Variants in KMT2A observed in about 807,000 individuals in gnomAD.
KMT2A encodes the protein histone-lysine N-methyltransferase 2A.
Under a neutral mutation model 345.3 loss-of-function variants are expected in KMT2A, and 16 were observed. That is an observed-to-expected ratio of 0.05 (90% confidence interval 0.03 to 0.07). The LOEUF is 0.07. Among genes scored for constraint, KMT2A ranks in the 10% least tolerant of loss-of-function variants. The pLI is 1.00. For missense variants in KMT2A, 3,272 were observed against 4,841.6 expected, an observed-to-expected ratio of 0.68 and a Z score of 9.62; for synonymous variants, 1,599 against 1,778.6, an observed-to-expected ratio of 0.90 and a Z score of 2.54.
In KMT2A at chr11:118,503,405, C is replaced by T. The variant is rs2134392492; in HGVS notation, c.7513C>T (p.Pro2505Ser). ...LSMPGVPKAP[P>S]MQVEGSAKEL... ...TATGCCAGGAGTCCCCAAAGCTCCACCCATGCAAGTAGAAGGATCTGCCAA... is the reference window on the plus strand; with the variant it reads ...TATGCCAGGAGTCCCCAAAGCTCCATCCATGCAAGTAGAAGGATCTGCCAA... The change falls in exon 27 of 36, where the codon CCC (proline) becomes TCC (serine). Residue 2505 changes from proline to serine, a missense_variant. Around this residue, in one of 27 missense-constraint regions of KMT2A, gnomAD observed 445 missense variants for 500.9 expected, o/e 0.89. Transcript: ENST00000534358. This position sits in a 1 kb window ranked among gnomAD's most constrained non-coding sequence, Gnocchi z 5.3. 6.2e-7 allele frequency: 1 copy of T among 1,614,000 alleles called. No homozygotes were observed. Among genetic ancestry groups the T allele is most frequent in the South Asian group, 1.1e-5 (1 of 91,072 alleles).
intron 10 of KMT2A, among the ~76,000 whole-genome samples, chr11:118,487,578 A>G (rs1950251539): frequency 6.6e-6 from 1 of 152,236 alleles, no homozygotes; most frequent in African/African-American, 2.4e-5. Flanking sequence ...TAAAATACAT[A>G]TACACATTTT....
At chr11:118,439,266 T>C in intron 1 of KMT2A, 1 of 351,370 alleles carries the variant, frequency 2.8e-6, no homozygotes, top group Non-Finnish European at 5.6e-6. Context: ...CCCATGTATA[T>C]TTGAGTTTAA....
intron 1 of KMT2A, among the ~76,000 whole-genome samples, chr11:118,458,861 C>T (rs190072394): frequency 2.6e-4 from 39 of 152,300 alleles, no homozygotes; most frequent in African/African-American, 8.2e-4. Context: ...ATTTCTTCAA[C>T]TTTAGTTGTT....
intron 4 of KMT2A, among the ~76,000 whole-genome samples, chr11:118,477,289 A>C (rs1197445847): frequency 1.3e-5 from 2 of 152,146 alleles, no homozygotes; most frequent in African/African-American, 2.4e-5. Flanking sequence ...AAAGCTGTCC[A>C]GGAGTCTTTG....
At chr11:118,506,786 T>G (rs1250969901) in intron 27 of KMT2A, 140 bp downstream of exon 27, 1 of 854,586 alleles carries the variant, frequency 1.2e-6, no homozygotes, top group East Asian at 2.6e-5. Context: ...TTGACTTTTT[T>G]TCTCTCTGAG....
intron 1 of KMT2A, among the ~76,000 whole-genome samples, chr11:118,454,301 C>A (rs1555029985): frequency 6.6e-6 from 1 of 152,252 alleles, no homozygotes; most frequent in African/African-American, 2.4e-5. Context: ...AAGCCTACTT[C>A]TCGAGCATTG....
chr11:118,464,557 A>AC (rs1949806473), intron 1 of KMT2A, among the ~76,000 whole-genome samples: 1 of 151,768 alleles, frequency 6.6e-6, no homozygotes, highest in African/African-American at 2.4e-5. Context: ...AAAAAAAAAA[A>AC]CCTAAAGTTG....
intron 1 of KMT2A, among the ~76,000 whole-genome samples, chr11:118,453,905 G>T (rs1443383709): frequency 2.0e-5 from 3 of 152,084 alleles, no homozygotes; most frequent in African/African-American, 4.8e-5. Flanking sequence ...TCCATTCCCA[G>T]TCTCTTTGTT....
chr11:118,445,063 T>A (rs1179317270), intron 1 of KMT2A, among the ~76,000 whole-genome samples: 1 of 152,192 alleles, frequency 6.6e-6, no homozygotes, highest in Non-Finnish European at 1.5e-5. Flanking sequence ...TATAATCTTT[T>A]TTTTTCATCA....
At position 118,505,364 on chromosome 11, in the gene KMT2A, C is replaced by G; in HGVS notation, c.9472C>G (p.Pro3158Ala). The change falls in exon 27 of 36, where the codon CCC (proline) becomes GCC (alanine). Residue 3158 changes from proline to alanine, a missense_variant. This residue lies in a region of KMT2A where 748 missense variants were observed against 922.2 expected (regional missense o/e 0.81). Coordinates refer to ENST00000534358, the MANE Select transcript of KMT2A (RefSeq NM_001197104.2). This position sits in a 1 kb window ranked among gnomAD's most constrained non-coding sequence, Gnocchi z 4.6. ...CCCTTCTGCTAGCAAAGGATTGCTA[C>G]CCATGTCTCATCACCAGCACTTACA... ...LFPSASKGLL[P>A]MSHHQHLHSF... 6.2e-7 allele frequency: 1 copy of G among 1,614,002 alleles called. No homozygotes were observed. Among genetic ancestry groups the G allele is most frequent in the Non-Finnish European group, 8.5e-7 (1 of 1,179,860 alleles).
intron 31 of KMT2A, among the ~76,000 whole-genome samples, chr11:118,517,855 G>C (rs886874963): frequency 6.6e-6 from 1 of 152,108 alleles, no homozygotes; most frequent in African/African-American, 2.4e-5. Context: ...AAAGAATATT[G>C]CTTATCTAGA....
rs2134261702 is a variant in KMT2A, at chr11:118,472,562, A to C, written c.1403A>C (p.His468Pro). ...SSEKSSAASQHSSQMSSDSSR... is the reference protein window; with the variant it reads ...SSEKSSAASQPSSQMSSDSSR... ...GAAAAATCAAGTGCAGCTTCTCAGCACTCCTCTCAAATGTCTTCAGACTCC... is the reference window on the plus strand; with the variant it reads ...GAAAAATCAAGTGCAGCTTCTCAGCCCTCCTCTCAAATGTCTTCAGACTCC... Residue 468 changes from histidine to proline, a missense_variant, in exon 3 of 36, where the codon CAC becomes CCC. By Grantham distance (77) the His-to-Pro change is moderately conservative. This residue lies in a region of KMT2A where 180 missense variants were observed against 190.7 expected (regional missense o/e 0.94). Coordinates refer to ENST00000534358, the MANE Select transcript of KMT2A (RefSeq NM_001197104.2). The C allele has an allele frequency of 6.2e-7, 1 of 1,609,476 alleles. No homozygotes were observed. The highest frequency in any genetic ancestry group is 8.5e-7 in the Non-Finnish European group (1 of 1,179,018).
chr11:118,506,087 C>T lies in KMT2A; in HGVS notation c.10195C>T (p.Pro3399Ser), dbSNP rs782013311. 1 of 1,614,136 alleles carries T rather than the reference C, an allele frequency of 6.2e-7. No homozygotes were observed. Among genetic ancestry groups the T allele is most frequent in the South Asian group, 1.1e-5 (1 of 91,080 alleles). ...SQQSLGIQDQPVALPPSSGMF... is the reference protein window; with the variant it reads ...SQQSLGIQDQSVALPPSSGMF... ...GCAGAGCCTGGGGATTCAGGACCAG[C>T]CTGTGGCTTTACCGCCAAGTTCAGG... The change falls in exon 27 of 36, where the codon CCT (proline) becomes TCT (serine). Residue 3399 changes from proline (P) to serine (S), a missense_variant. By Grantham distance (74) the Pro-to-Ser change is moderately conservative. Coordinates refer to ENST00000534358, the MANE Select transcript of KMT2A (RefSeq NM_001197104.2).
chr11:118,495,003 T>C lies in KMT2A; in HGVS notation c.5363+236T>C, dbSNP rs550055377. Among the ~76,000 whole-genome samples the C allele has an allele frequency of 6.6e-6, 1 of 152,350 alleles. No homozygotes were observed. The highest frequency in any genetic ancestry group is 1.5e-5 in the Non-Finnish European group (1 of 68,042). On this transcript the variant is annotated intron_variant, in intron 18 of 35. Transcript: ENST00000534358. The surrounding 1 kb of genome is among the most constrained non-coding windows in gnomAD (Gnocchi z 4.1). ...GAGCTTGGTTTAATTGTGACAAATGTACAATACATGTGTGGTACAGCCATG... is the reference window on the plus strand; with the variant it reads ...GAGCTTGGTTTAATTGTGACAAATGCACAATACATGTGTGGTACAGCCATG...
chr11:118,511,996 A>G lies in KMT2A; in HGVS notation c.11117A>G (p.Asn3706Ser). 6.2e-7 allele frequency: 1 copy of G among 1,614,128 alleles called. No homozygotes were observed. The highest frequency in any genetic ancestry group is 8.5e-7 in the Non-Finnish European group (1 of 1,179,996). Residue 3706 changes from asparagine (N) to serine (S), a missense_variant, in exon 31 of 36, where the codon AAT becomes AGT. Physicochemically the swap from Asn to Ser is conservative, Grantham distance 46. This residue lies in a region of KMT2A where 72 missense variants were observed against 135.6 expected (regional missense o/e 0.53). Coordinates refer to ENST00000534358, the MANE Select transcript of KMT2A (RefSeq NM_001197104.2). ...GATAAAGTCCAGGAAGCTCGATCAA[A>G]TGCCCGCCTAAAGCAGCTCTCATTT... ...LTDKVQEARS[N>S]ARLKQLSFAG...
chr11:118,491,389 A>T lies in KMT2A; in HGVS notation c.4819+71A>T. On this transcript the variant is annotated intron_variant, in intron 14 of 35. Transcript: ENST00000534358. The surrounding 1 kb of genome is among the most constrained non-coding windows in gnomAD (Gnocchi z 4.2). Reference sequence around the variant, plus strand: ...CATTTATTAGCCTCTAGAGCACTTTAAACCTAAAATTATGGTTGTGTTGTT... The same window carrying T: ...CATTTATTAGCCTCTAGAGCACTTTTAACCTAAAATTATGGTTGTGTTGTT... 5 of 1,434,338 alleles carry T rather than the reference A, an allele frequency of 3.5e-6. No homozygotes were observed. The highest frequency in any genetic ancestry group is 4.7e-6 in the Non-Finnish European group (5 of 1,053,842). 88.9% of individuals were successfully genotyped at this position (1,434,338 alleles called of 1,614,324 possible).
At chr11:118,449,585 C>CA (rs532991008) in intron 1 of KMT2A, 19,694 of 67,176 alleles carry the variant, frequency 0.29, 2,324 homozygotes, top group East Asian at 0.61. Flanking sequence ...GACTCCATCT[C>CA]AAAAAAAAAA....
At position 118,491,392 on chromosome 11, in the gene KMT2A, C is replaced by T; in HGVS notation, c.4819+74C>T. Reference sequence around the variant, plus strand: ...TTATTAGCCTCTAGAGCACTTTAAACCTAAAATTATGGTTGTGTTGTTATT... The same window carrying T: ...TTATTAGCCTCTAGAGCACTTTAAATCTAAAATTATGGTTGTGTTGTTATT... On this transcript the variant is annotated intron_variant, in intron 14 of 35. Coordinates refer to ENST00000534358, the MANE Select transcript of KMT2A (RefSeq NM_001197104.2). The surrounding 1 kb of genome is among the most constrained non-coding windows in gnomAD (Gnocchi z 4.2). The T allele has an allele frequency of 7.8e-6, 11 of 1,401,800 alleles. No individual in the cohort carries two copies. The highest frequency in any genetic ancestry group is 1.1e-5 in the Non-Finnish European group (11 of 1,027,534). The allele number at this position is 1,401,800 out of a possible 1,614,324, so 86.8% of individuals were successfully genotyped here.
chr11:118,454,191 T>G (rs1437293432), intron 1 of KMT2A, among the ~76,000 whole-genome samples: 1 of 152,164 alleles, frequency 6.6e-6, no homozygotes, highest in African/African-American at 2.4e-5. Context: ...TCAAATCCTA[T>G]TCCTTCACTT....
Sources: allele counts gnomAD v4.1 joint callset (sites outside exome capture counted in the v4.1 genomes callset), GRCh38; gene constraint gnomAD v4.1.1; regional missense constraint gnomAD v4.1.1; non-coding constraint Gnocchi (gnomAD v3.1); transcripts MANE v1.5; gene names NCBI Gene and HGNC (gene_info 2026-07-23, HGNC 2026-07-21).